The following RNF216 variants were observed in gnomAD, a reference collection of about 807,000 sequenced individuals.
The protein encoded by RNF216 is E3 ubiquitin-protein ligase RNF216.
Under a neutral mutation model 110.8 loss-of-function variants are expected in RNF216, and 72 were observed. The ratio of observed to expected loss-of-function variants is 0.65; its 90% confidence interval spans 0.54 to 0.79. The LOEUF is 0.79. Among genes scored for constraint, RNF216 ranks in the 30% least tolerant of loss-of-function variants. RNF216 has a pLI of 0.00. For synonymous variants in RNF216, 495 were observed against 407.5 expected (o/e 1.21, Z -2.59); for missense variants, 1,342 against 1,141.2 (o/e 1.18, Z -2.54).
At chr7:5,719,644 T>C (rs1177549739) in intron 9 of RNF216, among the ~76,000 whole-genome samples, 1 of 152,244 alleles carries the variant, frequency 6.6e-6, no homozygotes, top group African/African-American at 2.4e-5. Context: ...ATAAGATTGG[T>C]GATATCAATG....
intron 15 of RNF216, among the ~76,000 whole-genome samples, chr7:5,638,374 G>C (rs1350360029): frequency 6.6e-6 from 1 of 152,182 alleles, no homozygotes; most frequent in Non-Finnish European, 1.5e-5. Context: ...GTTGCAGACA[G>C]AACTTTGTGA....
chr7:5,641,521 G>A, intron 14 of RNF216, 145 bp from the exon 15 acceptor site: 1 of 685,080 alleles, frequency 1.5e-6, no homozygotes, highest in South Asian at 2.0e-5. Context: ...CTAGGTTTTG[G>A]AGTCTGAGAA....
At chr7:5,634,560 G>A (rs1013366721) in intron 15 of RNF216, among the ~76,000 whole-genome samples, 2 of 152,198 alleles carry the variant, frequency 1.3e-5, no homozygotes, top group South Asian at 2.1e-4. Context: ...GGAAGGGCAG[G>A]GAGGCAGGAC....
chr7:5,767,116 G>C (rs1024859833), intron 1 of RNF216, among the ~76,000 whole-genome samples: 1 of 152,152 alleles, frequency 6.6e-6, no homozygotes, highest in South Asian at 2.1e-4. Flanking sequence ...AGTATTAATA[G>C]CCTATAGTAG....
At chr7:5,687,704 C>A (rs1485816808) in intron 13 of RNF216, among the ~76,000 whole-genome samples, 2 of 152,166 alleles carry the variant, frequency 1.3e-5, no homozygotes, top group Non-Finnish European at 2.9e-5. Flanking sequence ...TCAAGAATGA[C>A]AGAAATGCCA....
At chr7:5,662,137 T>C (rs1789187026) in intron 13 of RNF216, among the ~76,000 whole-genome samples, 3 of 152,176 alleles carry the variant, frequency 2.0e-5, no homozygotes, top group African/African-American at 7.2e-5. Flanking sequence ...GTCTGCTTCC[T>C]GGAGAGCTGC....
intron 15 of RNF216, among the ~76,000 whole-genome samples, chr7:5,626,609 T>G (rs1468963041): frequency 6.6e-6 from 1 of 151,582 alleles, no homozygotes; most frequent in East Asian, 1.9e-4. Flanking sequence ...CCCAGCTACT[T>G]GGCAGTGATC....
At chr7:5,719,092 G>T (rs563444798) in intron 9 of RNF216, among the ~76,000 whole-genome samples, 3 of 152,124 alleles carry the variant, frequency 2.0e-5, no homozygotes, top group Non-Finnish European at 4.4e-5. Context: ...TCAGAGAAAA[G>T]AAAGTTGGCA....
chr7:5,716,019 G>A (rs1170075579), intron 10 of RNF216, among the ~76,000 whole-genome samples: 3 of 152,048 alleles, frequency 2.0e-5, no homozygotes, highest in Non-Finnish European at 4.4e-5. Flanking sequence ...GGGATTACAG[G>A]AGTGAGCCAC....
At chr7:5,781,041 G>A (rs980624880) in intron 1 of RNF216, among the ~76,000 whole-genome samples, 5 of 152,182 alleles carry the variant, frequency 3.3e-5, no homozygotes, top group African/African-American at 1.2e-4. Flanking sequence ...CGCGAGTGCC[G>A]GGTGACAGTC....
At chr7:5,666,481 G>A (rs1789533199) in intron 13 of RNF216, 1 of 152,428 alleles carries the variant, frequency 6.6e-6, no homozygotes, top group Non-Finnish European at 1.5e-5. Context: ...GAGCAGGGTG[G>A]GCAGAGCTGT....
intron 8 of RNF216, among the ~76,000 whole-genome samples, chr7:5,721,491 G>A (rs1183411018): frequency 6.6e-6 from 1 of 152,212 alleles, no homozygotes; most frequent in African/African-American, 2.4e-5. Flanking sequence ...TGGGTTTGCT[G>A]TTTTGGGTTA....
At chr7:5,734,824 C>A (rs1794297842) in intron 5 of RNF216, among the ~76,000 whole-genome samples, 1 of 37,712 alleles carries the variant, frequency 2.7e-5, no homozygotes, top group Admixed American at 3.6e-4. Flanking sequence ...AACTCTCTCT[C>A]AAAATAAATA....
Position 5,623,027 on chromosome 7 carries a change from C to T in RNF216, c.2605G>A (p.Val869Met), listed in dbSNP as rs201968813. 30 of 1,613,942 alleles carry T rather than the reference C, an allele frequency of 1.9e-5. No homozygotes were observed. In the Admixed American group the frequency reaches 2.2e-4, roughly 12 times the overall value. Reference protein sequence around the residue: ...FAHPPFPLPPVRPVFNNFPLN... With the variant: ...FAHPPFPLPPMRPVFNNFPLN... ...GGGAAGTTGTTGAACACAGGCCGCACGGGAGGCAGGGGGAAGGGTGGGTGC... is the reference window on the plus strand; with the variant it reads ...GGGAAGTTGTTGAACACAGGCCGCATGGGAGGCAGGGGGAAGGGTGGGTGC... Residue 869 changes from valine to methionine, a missense_variant, in exon 17 of 17, where the codon GTG becomes ATG. Transcript: ENST00000389902.
intron 13 of RNF216, among the ~76,000 whole-genome samples, chr7:5,710,127 A>G (rs905376124): frequency 2.4e-4 from 36 of 152,190 alleles, no homozygotes; most frequent in African/African-American, 8.4e-4. Context: ...TGGAAGGCTG[A>G]GGTGGGCGGA....
intron 13 of RNF216, among the ~76,000 whole-genome samples, chr7:5,661,416 C>A (rs1299042333): frequency 6.6e-6 from 1 of 152,216 alleles, no homozygotes; most frequent in African/African-American, 2.4e-5. Context: ...GGACTGAAAA[C>A]TTACACATCT....
At chr7:5,758,195 A>T (rs1352535944) in intron 2 of RNF216, among the ~76,000 whole-genome samples, 1 of 152,216 alleles carries the variant, frequency 6.6e-6, no homozygotes, top group Non-Finnish European at 1.5e-5. Context: ...CTATAAAATT[A>T]ATTGGATATA....
intron 13 of RNF216, among the ~76,000 whole-genome samples, chr7:5,661,934 T>C (rs540032535): frequency 1.3e-5 from 2 of 152,356 alleles, no homozygotes; most frequent in African/African-American, 4.8e-5. Context: ...CTAGTCCCAC[T>C]GTGTGCCCAC....
At chr7:5,771,223 G>A (rs1054853273) in intron 1 of RNF216, among the ~76,000 whole-genome samples, 9 of 152,088 alleles carry the variant, frequency 5.9e-5, no homozygotes, top group Admixed American at 5.2e-4. Flanking sequence ...TGGGAGTAGG[G>A]GGTAACAACC....
Sources: gnomAD v4.1 joint callset for allele counts (sites outside exome capture counted in the v4.1 genomes callset) on GRCh38, gnomAD v4.1.1 for gene constraint, MANE v1.5 for transcripts, NCBI Gene and HGNC (gene_info 2026-07-23, HGNC 2026-07-21) for gene names.